Variants in PATJ observed in about 807,000 individuals in gnomAD.
PATJ encodes inaD-like protein.
Under a neutral mutation model 224.9 loss-of-function variants are expected in PATJ, and 190 were observed. The ratio of observed to expected loss-of-function variants is 0.84; its 90% CI spans 0.75 to 0.95. The LOEUF is 0.95. Ranked by LOEUF, PATJ falls within the 40% of genes least tolerant of loss-of-function variation. The pLI, the probability that PATJ is intolerant of heterozygous loss-of-function variation, is 0.00. For synonymous variants in PATJ, 769 were observed against 820.3 expected (o/e 0.94, Z 1.07); for missense variants, 2,121 against 2,270.3 (o/e 0.93, Z 1.34).
At chr1:62,096,565 T>C (rs1329949464) in intron 33 of PATJ, among the ~76,000 whole-genome samples, 1 of 152,136 alleles carries the variant, frequency 6.6e-6, no homozygotes. Flanking sequence ...TATTTTGGGA[T>C]CACCATAATA....
intron 29 of PATJ, among the ~76,000 whole-genome samples, chr1:62,031,038 T>C (rs1649171257): frequency 6.6e-6 from 1 of 152,190 alleles, no homozygotes; most frequent in African/African-American, 2.4e-5. Flanking sequence ...TAGACACAGT[T>C]ATGCTTCAGT....
rs554529190 is a variant in PATJ, at chr1:62,086,414, C to T, written c.4377+1766C>T. On this transcript the variant is annotated intron_variant, in intron 33 of 43. Coordinates refer to ENST00000642238, the MANE Select transcript of PATJ (RefSeq NM_001350145.3). The surrounding 1 kb of genome is among the most constrained non-coding windows in gnomAD (Gnocchi z 4.0). ...CCTACCTTTTTGCCCTAGCTCTGCC[C>T]TTCACTACCTAAAACCAGGGCGACT... Among the ~76,000 whole-genome samples the T allele has an allele frequency of 2.0e-5, 3 of 152,208 alleles. No homozygotes were observed. The highest frequency in any genetic ancestry group is 7.2e-5 in the African/African-American group (3 of 41,542).
chr1:62,121,334 A>G (rs74909417), intron 38 of PATJ, 39 bp downstream of exon 38: 6 of 1,121,974 alleles, frequency 5.3e-6, no homozygotes, highest in Non-Finnish European at 7.5e-6. Context: ...CTATCCTGTT[A>G]CCCAAATTAA....
intron 18 of PATJ, among the ~76,000 whole-genome samples, chr1:61,861,284 C>CTTTTTTTTTTTTGTTTTTTTTTTT (rs1664503409): frequency 2.0e-5 from 1 of 48,848 alleles, no homozygotes; most frequent in Non-Finnish European, 4.2e-5. Flanking sequence ...TTCTTTCTTT[C>CTTTTTTTTTTTTGTTTTTTTTTTT]TTTTTTTTTT....
intron 27 of PATJ, among the ~76,000 whole-genome samples, chr1:61,980,437 T>A: frequency 7.7e-6 from 1 of 129,738 alleles, no homozygotes; most frequent in Non-Finnish European, 1.6e-5. Context: ...CTTATATAAT[T>A]TGTGTGTGTG....
chr1:61,795,602 A>C lies in PATJ; in HGVS notation c.1260+44A>C, dbSNP rs374873162. Reference sequence around the variant, plus strand: ...TTTTAGGTTTGATTCTAGTTGAAAAAAAGGTTGATCATTATTATAATACAT... The same window carrying C: ...TTTTAGGTTTGATTCTAGTTGAAAACAAGGTTGATCATTATTATAATACAT... On this transcript the variant is annotated intron_variant, in intron 10 of 43. Coordinates refer to ENST00000642238, the MANE Select transcript of PATJ (RefSeq NM_001350145.3). 1,741 of 1,178,710 alleles carry C rather than the reference A, an allele frequency of 1.5e-3. 2 individuals carry two copies. The highest frequency in any genetic ancestry group is 1.9e-3 in the Non-Finnish European group (1,488 of 789,800). 73.0% of individuals were successfully genotyped at this position (1,178,710 alleles called of 1,614,324 possible).
intron 27 of PATJ, among the ~76,000 whole-genome samples, chr1:61,976,490 T>C (rs2149483478): frequency 6.6e-6 from 1 of 152,162 alleles, no homozygotes; most frequent in Admixed American, 6.5e-5. Flanking sequence ...CACTGCAACC[T>C]CTGCCTCTTG....
intron 27 of PATJ, among the ~76,000 whole-genome samples, chr1:61,989,766 A>T (rs1023206185): frequency 6.6e-6 from 1 of 152,230 alleles, no homozygotes; most frequent in African/African-American, 2.4e-5. Flanking sequence ...GAACCTGAAC[A>T]ATCAGAAGGT....
At chr1:61,828,640 C>T (rs981238785) in intron 16 of PATJ, among the ~76,000 whole-genome samples, 1 of 152,126 alleles carries the variant, frequency 6.6e-6, no homozygotes, top group Non-Finnish European at 1.5e-5. Context: ...AATCCTCCCA[C>T]CTCAACCCCC....
At chr1:61,870,788 T>C (rs1666214669) in intron 20 of PATJ, among the ~76,000 whole-genome samples, 1 of 152,206 alleles carries the variant, frequency 6.6e-6, no homozygotes, top group Non-Finnish European at 1.5e-5. Context: ...ATTTAATTTT[T>C]GGGGAGCTAT....
intron 24 of PATJ, among the ~76,000 whole-genome samples, chr1:61,905,638 G>A (rs1671749898): frequency 6.6e-6 from 1 of 152,166 alleles, no homozygotes; most frequent in African/African-American, 2.4e-5. Context: ...GGGTTTTATG[G>A]TAATTGTACT....
chr1:62,013,582 C>T lies in PATJ; in HGVS notation c.3868-4274C>T, dbSNP rs77608671. Reference sequence around the variant, plus strand: ...TACTGCCCAACAAGGACTGACTTTACCATGTTGTGTTGTGGTATAAGTGCA... The same window carrying T: ...TACTGCCCAACAAGGACTGACTTTATCATGTTGTGTTGTGGTATAAGTGCA... On this transcript the variant is annotated intron_variant, in intron 28 of 43. Coordinates refer to ENST00000642238, the MANE Select transcript of PATJ (RefSeq NM_001350145.3). 4.7e-6 allele frequency: 4 copies of T among 852,058 alleles called. No individual in the cohort carries two copies. The African/African-American group carries it at 7.3e-5, about 16-fold the overall frequency. The allele number at this position is 852,058 out of a possible 1,614,324, so 52.8% of individuals were successfully genotyped here.
intron 26 of PATJ, among the ~76,000 whole-genome samples, chr1:61,923,835 TCG>T (rs1674697551): frequency 6.7e-6 from 1 of 149,070 alleles, no homozygotes; most frequent in Non-Finnish European, 1.5e-5. Flanking sequence ...GGAAGGAGAC[TCG>T]CATGAACCCA....
In PATJ at chr1:61,769,411, T is replaced by A; in HGVS notation, c.513T>A (p.Ser171Arg). Residue 171 changes from serine (S) to arginine (R), a missense_variant, in exon 5 of 44, where the codon AGT becomes AGA. Ser to Arg is a moderately radical substitution (Grantham distance 110, BLOSUM62 -1). Coordinates refer to ENST00000642238, the MANE Select transcript of PATJ (RefSeq NM_001350145.3). ...DIFVKDVQPG[S>R]VADRDQRLKE... is the part of the protein sequence containing the mutation. ...TCGTGAAGGATGTCCAGCCAGGGAG[T>A]GTAGCAGACAGGTGAGGAAGCTGTT... 6.2e-7 allele frequency: 1 copy of A among 1,612,714 alleles called. No individual in the cohort carries two copies. The highest frequency in any genetic ancestry group is 1.1e-5 in the South Asian group (1 of 90,602).
intron 29 of PATJ, among the ~76,000 whole-genome samples, chr1:62,033,428 A>T (rs754840923): frequency 1.3e-5 from 2 of 152,182 alleles, no homozygotes; most frequent in Non-Finnish European, 2.9e-5. Flanking sequence ...AGATGTCAGC[A>T]GAAGGGAATT....
chr1:62,027,198 C>T (rs1031596705), intron 29 of PATJ, among the ~76,000 whole-genome samples: 1 of 152,228 alleles, frequency 6.6e-6, no homozygotes, highest in African/African-American at 2.4e-5. Context: ...CCGTAGGTAC[C>T]TCACATAAGT....
intron 41 of PATJ, among the ~76,000 whole-genome samples, chr1:62,147,832 G>A (rs1668206204): frequency 6.6e-6 from 1 of 151,448 alleles, no homozygotes; most frequent in African/African-American, 2.4e-5. Flanking sequence ...GCATGGTGGT[G>A]GGTGCCTGTA....
chr1:61,978,233 C>T (rs912611185), intron 27 of PATJ, among the ~76,000 whole-genome samples: 9 of 148,156 alleles, frequency 6.1e-5, no homozygotes, highest in Non-Finnish European at 1.2e-4. Context: ...TCCTCCCTCC[C>T]TCCCTCCCTC....
intron 14 of PATJ, among the ~76,000 whole-genome samples, chr1:61,810,781 G>A (rs576477191): frequency 1.6e-4 from 24 of 151,892 alleles, no homozygotes; most frequent in South Asian, 4.2e-4. Context: ...AAAATTAGCC[G>A]GGCGTGGTAG....
Sources: gnomAD v4.1 joint callset for allele counts (sites outside exome capture counted in the v4.1 genomes callset) on GRCh38, gnomAD v4.1.1 for gene constraint, Gnocchi (gnomAD v3.1) non-coding constraint, MANE v1.5 for transcripts, NCBI Gene and HGNC (gene_info 2026-07-23, HGNC 2026-07-21) for gene names.